The following GNA14 variants were observed in gnomAD, a reference collection of about 807,000 sequenced individuals.
The protein encoded by GNA14 is guanine nucleotide-binding protein subunit alpha-14.
Under a neutral mutation model 42.0 loss-of-function variants are expected in GNA14, and 50 were observed. The ratio of observed to expected loss-of-function variants is 1.19; its 90% CI spans 0.95 to 1.51. The LOEUF is 1.51. Among genes scored for constraint, GNA14 ranks in the 40% most tolerant of loss-of-function variants. The probability of loss-of-function intolerance (pLI) is 0.00; values close to 1 mark genes in which losing one functional copy is unlikely to be tolerated. For synonymous variants in GNA14, 173 were observed against 163.1 expected, an observed-to-expected ratio of 1.06 and a Z score of -0.46; for missense variants, 473 against 446.2, an observed-to-expected ratio of 1.06 and a Z score of -0.54.
In GNA14 at chr9:77,539,563, AAT is replaced by A. The variant is rs1308599849; in HGVS notation, c.125-10312_125-10311del. 2.0e-5 allele frequency among the ~76,000 whole-genome samples: 3 copies of A among 152,216 alleles called. No homozygotes were observed. In the East Asian group the frequency reaches 5.8e-4, roughly 29 times the overall value. On this transcript the variant is annotated intron_variant, in intron 1 of 6. Transcript: ENST00000341700. ...AGTTCCCTCCTCTTCAATCTTTTGG[AAT>A]AGTTTCAGGAAGATTGGTATTAGTT...
intron 1 of GNA14, among the ~76,000 whole-genome samples, chr9:77,564,814 C>T (rs994142357): frequency 7.4e-5 from 11 of 147,974 alleles, no homozygotes; most frequent in Admixed American, 2.8e-4. Context: ...GCCTGGGTGA[C>T]GAAGCAAGAA....
At chr9:77,505,042 C>T (rs910165110) in intron 2 of GNA14, among the ~76,000 whole-genome samples, 4 of 152,044 alleles carry the variant, frequency 2.6e-5, no homozygotes, top group Non-Finnish European at 5.9e-5. Flanking sequence ...CTCCCCCTTG[C>T]CTGGGAGAAT....
chr9:77,426,199 A>C (rs12339287), intron 5 of GNA14, among the ~76,000 whole-genome samples: 39,297 of 151,912 alleles, frequency 0.26, 5,575 homozygotes, highest in African/African-American at 0.38. Flanking sequence ...GAATGCTAGA[A>C]GTTGGCAGAG....
intron 2 of GNA14, among the ~76,000 whole-genome samples, chr9:77,437,925 A>G (rs1418740146): frequency 6.6e-6 from 1 of 152,242 alleles, no homozygotes; most frequent in Non-Finnish European, 1.5e-5. Context: ...ATCCTGACTG[A>G]TACACGTTGC....
chr9:77,618,773 A>T (rs1352050655), intron 1 of GNA14, among the ~76,000 whole-genome samples: 1 of 145,042 alleles, frequency 6.9e-6, no homozygotes, highest in Non-Finnish European at 1.5e-5. Context: ...ACCTGGGACT[A>T]CAGGCGCCCG....
At chr9:77,625,727 T>C (rs903882634) in intron 1 of GNA14, among the ~76,000 whole-genome samples, 5 of 152,162 alleles carry the variant, frequency 3.3e-5, no homozygotes, top group African/African-American at 9.7e-5. Flanking sequence ...GAAGAGCTCC[T>C]GAAGGAAGCA....
At chr9:77,598,659 A>G (rs2117908448) in intron 1 of GNA14, among the ~76,000 whole-genome samples, 1 of 152,308 alleles carries the variant, frequency 6.6e-6, no homozygotes, top group South Asian at 2.1e-4. Flanking sequence ...ACTCAAGTAA[A>G]AAGCAGGGAA....
intron 1 of GNA14, among the ~76,000 whole-genome samples, chr9:77,583,149 G>A (rs904739962): frequency 6.6e-6 from 1 of 152,152 alleles, no homozygotes; most frequent in Non-Finnish European, 1.5e-5. Context: ...CTCTAATTGG[G>A]CTAATTCTCC....
At chr9:77,636,951 A>G (rs1824192586) in intron 1 of GNA14, among the ~76,000 whole-genome samples, 1 of 152,240 alleles carries the variant, frequency 6.6e-6, no homozygotes, top group Non-Finnish European at 1.5e-5. Flanking sequence ...TCCTAAGTCC[A>G]TTAATAGAAG....
intron 2 of GNA14, among the ~76,000 whole-genome samples, chr9:77,516,919 G>T (rs190289973): frequency 6.6e-6 from 1 of 152,314 alleles, no homozygotes; most frequent in African/African-American, 2.4e-5. Flanking sequence ...GATCGTGGTT[G>T]AAAAGAACAG....
chr9:77,539,266 C>T (rs537072643), intron 1 of GNA14, among the ~76,000 whole-genome samples: 8 of 152,214 alleles, frequency 5.3e-5, no homozygotes, highest in African/African-American at 1.7e-4. Flanking sequence ...GAGGTAATAA[C>T]ATAGTTTTTG....
intron 2 of GNA14, among the ~76,000 whole-genome samples, chr9:77,462,501 C>T (rs575860703): frequency 6.6e-6 from 1 of 152,110 alleles, no homozygotes; most frequent in South Asian, 2.1e-4. Flanking sequence ...CGGGTGGACA[C>T]GAGGTCAGGA....
At chr9:77,505,863 T>C (rs1425670159) in intron 2 of GNA14, among the ~76,000 whole-genome samples, 1 of 152,178 alleles carries the variant, frequency 6.6e-6, no homozygotes, top group Non-Finnish European at 1.5e-5. Context: ...TTTCCTTTTT[T>C]TGGTTGGCAG....
chr9:77,522,088 C>T (rs528410642), intron 2 of GNA14, among the ~76,000 whole-genome samples: 28 of 152,310 alleles, frequency 1.8e-4, no homozygotes, highest in African/African-American at 6.0e-4. Context: ...CTTCCTGCCT[C>T]GGCCCCCCAA....
rs896280687 is a variant in GNA14, at chr9:77,540,029, T to C, written c.125-10776A>G. ...TTTATTATTTCTTTCCTTTTACTAATGTTGGGTTTGGTTTGTTCTTGTATT... is the reference window on the plus strand; with the variant it reads ...TTTATTATTTCTTTCCTTTTACTAACGTTGGGTTTGGTTTGTTCTTGTATT... On this transcript the variant is annotated intron_variant, in intron 1 of 6. Coordinates refer to ENST00000341700, the MANE Select transcript of GNA14 (RefSeq NM_004297.4). Among the ~76,000 whole-genome samples, 3 of 152,210 alleles carry C rather than the reference T, an allele frequency of 2.0e-5. No individual in the cohort carries two copies. The East Asian group carries it at 5.8e-4, about 29-fold the overall frequency.
At chr9:77,562,377 T>C (rs1822898145) in intron 1 of GNA14, among the ~76,000 whole-genome samples, 1 of 151,966 alleles carries the variant, frequency 6.6e-6, no homozygotes, top group Admixed American at 6.6e-5. Context: ...GGAGAACACT[T>C]ACAGGGACAG....
intron 2 of GNA14, among the ~76,000 whole-genome samples, chr9:77,490,895 C>T (rs549832385): frequency 1.2e-4 from 18 of 152,348 alleles, no homozygotes; most frequent in African/African-American, 3.8e-4. Flanking sequence ...GCAGAGGAGG[C>T]GCCGAGAGCG....
At chr9:77,566,475 G>T (rs1822969880) in intron 1 of GNA14, among the ~76,000 whole-genome samples, 3 of 152,064 alleles carry the variant, frequency 2.0e-5, no homozygotes, top group Non-Finnish European at 4.4e-5. Context: ...CTTAAAGGTA[G>T]ATCTTAAGTC....
intron 5 of GNA14, 93 bp downstream of exon 5, chr9:77,428,814 G>T (rs1321572951): frequency 7.9e-6 from 10 of 1,263,450 alleles, no homozygotes; most frequent in Non-Finnish European, 1.1e-5. Context: ...TTGACCTAAT[G>T]ACGAGGGTCT....
Sources: gnomAD v4.1 joint callset for allele counts (sites outside exome capture counted in the v4.1 genomes callset) on GRCh38, gnomAD v4.1.1 for gene constraint, MANE v1.5 for transcripts, NCBI Gene and HGNC (gene_info 2026-07-23, HGNC 2026-07-21) for gene names.